The following GTF2H5 variants were observed in gnomAD, a reference collection of about 807,000 sequenced individuals.
The protein encoded by GTF2H5 is TFB5 ortholog.
In GTF2H5, 5 loss-of-function variants were observed where a neutral mutation model predicts 7.1. The observed-to-expected ratio is 0.71, with a 90% CI of 0.37 to 1.49. The LOEUF (loss-of-function observed/expected upper bound fraction) is 1.49. Among genes scored for constraint, GTF2H5 ranks in the 40% most tolerant of loss-of-function variants. The pLI, the probability that GTF2H5 is intolerant of heterozygous loss-of-function variation, is 0.03. For missense variants in GTF2H5, 80 were observed against 83.0 expected (o/e 0.96, Z 0.14); for synonymous variants, 30 against 31.7 (o/e 0.95, Z 0.18).
intron 2 of GTF2H5, among the ~76,000 whole-genome samples, chr6:158,171,929 G>A (rs1211441677): frequency 2.6e-5 from 4 of 152,148 alleles, no homozygotes; most frequent in Non-Finnish European, 5.9e-5. Flanking sequence ...TCTTTTGAAG[G>A]CACTAGGTTT....
At chr6:158,191,915 T>C in intron 2 of GTF2H5, 62 bp from the exon 3 acceptor site, 2 of 1,313,542 alleles carry the variant, frequency 1.5e-6, no homozygotes, top group Admixed American at 3.4e-5. Context: ...ATTTAATTGC[T>C]CAAGTCTCTG....
Position 158,193,185 on chromosome 6 carries a change from G to A in GTF2H5, c.*1028G>A, listed in dbSNP as rs1175072488. Reference sequence around the variant, plus strand: ...ATACAAAAATCTGCCTGTTGTCCCAGCCACTGGGGAGGCTGAGGTAGGAGG... The same window carrying A: ...ATACAAAAATCTGCCTGTTGTCCCAACCACTGGGGAGGCTGAGGTAGGAGG... On this transcript the variant is annotated 3_prime_UTR_variant, in exon 3 of 3. Coordinates refer to ENST00000607778, the MANE Select transcript of GTF2H5 (RefSeq NM_207118.3). 9.6e-6 allele frequency: 1 copy of A among 104,336 alleles called. No homozygotes were observed. The highest frequency in any genetic ancestry group is 1.9e-5 in the Non-Finnish European group (1 of 53,490). The allele number at this position is 104,336 out of a possible 1,614,324, so 6.5% of individuals were successfully genotyped here. A position where few individuals can be genotyped will look rare whatever the true frequency, so the allele number is the denominator to read the frequency against.
rs901609725 is a variant in GTF2H5 at position 158,191,881 on chromosome 6, A to G, written c.36-96A>G. 7.2e-6 allele frequency: 7 copies of G among 965,754 alleles called. No individual in the cohort carries two copies. The African/African-American group carries it at 8.1e-5, about 11-fold the overall frequency. The allele number at this position is 965,754 out of a possible 1,614,324, so 59.8% of individuals were successfully genotyped here. A position where few individuals can be genotyped will look rare whatever the true frequency, so the allele number is the denominator to read the frequency against. On this transcript the variant is annotated intron_variant, in intron 2 of 2. Coordinates refer to ENST00000607778, the MANE Select transcript of GTF2H5 (RefSeq NM_207118.3). ...ATTGAGTAACAGAACTTTAAAAATC[A>G]TTCTAAAAATTCTACATGTTCACAT...
chr6:158,187,197 T>A, intron 2 of GTF2H5, among the ~76,000 whole-genome samples: 1 of 151,954 alleles, frequency 6.6e-6, no homozygotes, highest in East Asian at 1.9e-4. Context: ...GGTTTCATCA[T>A]GTTGGCCAGG....
At chr6:158,174,138 T>C (rs1785898011) in intron 2 of GTF2H5, among the ~76,000 whole-genome samples, 1 of 152,202 alleles carries the variant, frequency 6.6e-6, no homozygotes, top group Admixed American at 6.5e-5. Context: ...TGTTGTTTAC[T>C]GTCTCTCTTG....
chr6:158,176,953 C>G (rs1488738473), intron 2 of GTF2H5, among the ~76,000 whole-genome samples: 1 of 152,228 alleles, frequency 6.6e-6, no homozygotes, highest in Non-Finnish European at 1.5e-5. Flanking sequence ...TTTAAGAAAG[C>G]CTTTAAGCGG....
Position 158,179,995 on chromosome 6 carries a change from A to T in GTF2H5, c.35+9457A>T, listed in dbSNP as rs143970932. ...GGGTTTGTCATAAATAGCTCTTATT[A>T]TGAGATAATAAGAGATACATTCCAT... On this transcript the variant is annotated intron_variant, in intron 2 of 2. Coordinates refer to ENST00000607778, the MANE Select transcript of GTF2H5 (RefSeq NM_207118.3). 3.9e-3 allele frequency among the ~76,000 whole-genome samples: 594 copies of T among 152,278 alleles called. 6 individuals are homozygous for T. Among genetic ancestry groups the T allele is most frequent in the African/African-American group, 0.014 (569 of 41,548 alleles).
chr6:158,188,154 G>A (rs1009473729), intron 2 of GTF2H5, among the ~76,000 whole-genome samples: 8 of 152,162 alleles, frequency 5.3e-5, no homozygotes, highest in African/African-American at 1.9e-4. Context: ...GGAGAGTGAA[G>A]TGGGCACCAC....
intron 2 of GTF2H5, among the ~76,000 whole-genome samples, chr6:158,176,009 A>G (rs1356409239): frequency 6.6e-6 from 1 of 152,202 alleles, no homozygotes. Context: ...GCACTTGCTA[A>G]TATTAATTTA....
At chr6:158,169,301 A>G (rs1195445388) in intron 1 of GTF2H5, among the ~76,000 whole-genome samples, 1 of 122,404 alleles carries the variant, frequency 8.2e-6, no homozygotes, top group Non-Finnish European at 1.6e-5. Flanking sequence ...TATTTTATAT[A>G]TAATATATAA....
At chr6:158,189,460 C>G (rs896644743) in intron 2 of GTF2H5, among the ~76,000 whole-genome samples, 1 of 152,184 alleles carries the variant, frequency 6.6e-6, no homozygotes, top group Non-Finnish European at 1.5e-5. Context: ...CCCTGGCCTC[C>G]TCTTCCACTG....
intron 2 of GTF2H5, among the ~76,000 whole-genome samples, chr6:158,181,059 C>T (rs185359238): frequency 6.6e-6 from 1 of 152,062 alleles, no homozygotes; most frequent in Non-Finnish European, 1.5e-5. Flanking sequence ...ACCAGAGATT[C>T]TGGTACGTTG....
chr6:158,190,853 T>C, intron 2 of GTF2H5: 1 of 463,444 alleles, frequency 2.2e-6, no homozygotes. Flanking sequence ...GCTAAACACA[T>C]TGTGTATTAG....
At chr6:158,171,988 G>C (rs542754934) in intron 2 of GTF2H5, among the ~76,000 whole-genome samples, 1 of 152,102 alleles carries the variant, frequency 6.6e-6, no homozygotes, top group African/African-American at 2.4e-5. Flanking sequence ...CATTTTCCTC[G>C]TTGGCCTTTA....
At chr6:158,189,701 C>CT (rs1236161859) in intron 2 of GTF2H5, among the ~76,000 whole-genome samples, 4 of 152,190 alleles carry the variant, frequency 2.6e-5, no homozygotes, top group African/African-American at 9.6e-5. Context: ...CTCTTCCTAG[C>CT]TTCCAGTCTA....
At position 158,196,973 on chromosome 6, in the gene GTF2H5, C is replaced by G. The variant is rs1777123280; in HGVS notation, c.*4816C>G. 1.3e-5 allele frequency: 2 copies of G among 152,240 alleles called. No individual in the cohort carries two copies. The highest frequency in any genetic ancestry group is 4.1e-4 in the South Asian group (2 of 4,836). The allele number at this position is 152,240 out of a possible 1,614,324, so 9.4% of individuals were successfully genotyped here. ...CTGACTGAAAAATTAAAGTTGAGCA[C>G]ACTTTCCACTCAATGGATACCAAAA... On this transcript the variant is annotated 3_prime_UTR_variant, in exon 3 of 3. Coordinates refer to ENST00000607778, the MANE Select transcript of GTF2H5 (RefSeq NM_207118.3).
chr6:158,171,933 T>C (rs1482901365), intron 2 of GTF2H5, among the ~76,000 whole-genome samples: 1 of 152,232 alleles, frequency 6.6e-6, no homozygotes, highest in East Asian at 1.9e-4. Context: ...TTGAAGGCAC[T>C]AGGTTTGATG....
intron 2 of GTF2H5, among the ~76,000 whole-genome samples, chr6:158,176,280 G>A (rs974372947): frequency 6.6e-6 from 1 of 151,942 alleles, no homozygotes; most frequent in Non-Finnish European, 1.5e-5. Context: ...AGCCTGGAGT[G>A]CAGTGGCACA....
Position 158,197,984 on chromosome 6 carries a change from T to C in GTF2H5, c.*5827T>C, listed in dbSNP as rs887147884. On this transcript the variant is annotated 3_prime_UTR_variant, in exon 3 of 3. Transcript: ENST00000607778. ...AGCTTATGTTGAGAAATAAAAGAAA[T>C]TATATTTTATTTTTATCTTTTAATT... 6.6e-6 allele frequency: 1 copy of C among 152,174 alleles called. No homozygotes were observed. The highest frequency in any genetic ancestry group is 1.5e-5 in the Non-Finnish European group (1 of 68,036). The allele number at this position is 152,174 out of a possible 1,614,324, so 9.4% of individuals were successfully genotyped here. A position where few individuals can be genotyped will look rare whatever the true frequency, so the allele number is the denominator to read the frequency against.
Sources: gnomAD v4.1 joint callset for allele counts (sites outside exome capture counted in the v4.1 genomes callset) on GRCh38, gnomAD v4.1.1 for gene constraint, MANE v1.5 for transcripts, NCBI Gene and HGNC (gene_info 2026-07-23, HGNC 2026-07-21) for gene names.